Variants in RALGPS1 observed in about 807,000 individuals in gnomAD.
RALGPS1 encodes the protein ras-specific guanine nucleotide-releasing factor RalGPS1.
In RALGPS1, 19 loss-of-function variants were observed where a neutral mutation model predicts 78.8. The ratio of observed to expected loss-of-function variants is 0.24; its 90% CI spans 0.17 to 0.35. RALGPS1 has a LOEUF of 0.35. Ranked by LOEUF, RALGPS1 falls within the 10% of genes least tolerant of loss-of-function variation. RALGPS1 has a pLI of 1.00. For missense variants in RALGPS1, 454 were observed against 688.3 expected (o/e 0.66, Z 3.81); for synonymous variants, 228 against 256.3 (o/e 0.89, Z 1.06).
chr9:127,192,185 C>T (rs2061102078), intron 11 of RALGPS1, among the ~76,000 whole-genome samples: 1 of 152,180 alleles, frequency 6.6e-6, no homozygotes, highest in South Asian at 2.1e-4. Context: ...TGTGGGGGCC[C>T]AGACCAGTCA....
At chr9:126,930,805 C>G (rs2035721584) in intron 1 of RALGPS1, among the ~76,000 whole-genome samples, 1 of 152,168 alleles carries the variant, frequency 6.6e-6, no homozygotes, top group Non-Finnish European at 1.5e-5. Flanking sequence ...TTTCCAGATT[C>G]TTATTCATTT....
chr9:127,199,391 G>T (rs1444710960), intron 14 of RALGPS1, among the ~76,000 whole-genome samples: 2 of 152,210 alleles, frequency 1.3e-5, no homozygotes, highest in African/African-American at 4.8e-5. Flanking sequence ...CTAAGAAGTG[G>T]CCTGTTCTTG....
chr9:127,051,778 C>T (rs985883545), intron 6 of RALGPS1, among the ~76,000 whole-genome samples: 11 of 152,174 alleles, frequency 7.2e-5, no homozygotes, highest in African/African-American at 2.7e-4. Context: ...GTAGACAAAA[C>T]TTTGTCCCTG....
At chr9:127,013,738 G>C (rs926041560) in intron 4 of RALGPS1, among the ~76,000 whole-genome samples, 1 of 152,128 alleles carries the variant, frequency 6.6e-6, no homozygotes, top group Admixed American at 6.5e-5. Context: ...TCTAAGGGGG[G>C]CGTGCAGGTA....
intron 8 of RALGPS1, among the ~76,000 whole-genome samples, chr9:127,117,742 C>G (rs1307466055): frequency 6.6e-6 from 1 of 152,208 alleles, no homozygotes; most frequent in East Asian, 1.9e-4. Flanking sequence ...TCTACCTGGC[C>G]CTGAGTGGGT....
chr9:127,212,997 G>T lies in RALGPS1; in HGVS notation c.1500G>T (p.Leu500=). 1.9e-6 allele frequency: 3 copies of T among 1,614,214 alleles called. No individual in the cohort carries two copies. Among genetic ancestry groups the T allele is most frequent in the Non-Finnish European group, 2.5e-6 (3 of 1,180,048 alleles). ...CCATCGTGGGCTGGATGGTGCAGCT[G>T]CCCGATGACCCCGAGCACCCAGATA... ...KVSIVGWMVQ[L]PDDPEHPDIF... The change falls in exon 17 of 19, where the codon CTG becomes CTT. Residue 500 remains leucine (L), a synonymous_variant. Transcript: ENST00000259351. This position sits in a 1 kb window ranked among gnomAD's most constrained non-coding sequence, Gnocchi z 6.0.
intron 11 of RALGPS1, among the ~76,000 whole-genome samples, chr9:127,179,727 C>T (rs542392130): frequency 6.6e-6 from 1 of 152,332 alleles, no homozygotes; most frequent in Non-Finnish European, 1.5e-5. Context: ...AGGATGGGTA[C>T]ACTGAGGAGC....
At chr9:126,932,699 C>CAAAATGTTATAAAACATTTTTATAAAACA (rs1564270465) in intron 1 of RALGPS1, among the ~76,000 whole-genome samples, 10 of 151,554 alleles carry the variant, frequency 6.6e-5, no homozygotes, top group African/African-American at 1.9e-4. Context: ...CATTATAAAA[C>CAAAATGTTATAAAACATTTTTATAAAACA]AAAATGTTAT....
chr9:126,916,333 C>T (rs1433219595), intron 1 of RALGPS1, among the ~76,000 whole-genome samples: 1 of 152,150 alleles, frequency 6.6e-6, no homozygotes, highest in Non-Finnish European at 1.5e-5. Flanking sequence ...GCTGCTGCAA[C>T]GCAGGGAGCA....
intron 1 of RALGPS1, among the ~76,000 whole-genome samples, chr9:126,918,673 A>ATTT (rs74944435): frequency 2.3e-5 from 3 of 132,612 alleles, no homozygotes; most frequent in Non-Finnish European, 3.2e-5. Flanking sequence ...TCACACATGG[A>ATTT]TTTTTTTTTT....
rs200357764 is a variant in RALGPS1 at position 127,212,133 on chromosome 9, C to G, written c.1250C>G (p.Pro417Arg). 14 of 1,611,822 alleles carry G rather than the reference C, an allele frequency of 8.7e-6. No homozygotes were observed. In the East Asian group the frequency reaches 3.1e-4, roughly 36 times the overall value. ...TCTGACTGGTAGTCTCTCCTCAGCC[C>G]CACCGGCCCGTGCATCTGTTCTCTG... The part of the protein sequence containing the change: ...SEEMSSGLES[P>R]TGPCICSLGN... Residue 417 changes from proline to arginine, a missense_variant and splice_region_variant, in exon 15 of 19, where the codon CCC (proline) becomes CGC (arginine). Transcript: ENST00000259351. This position sits in a 1 kb window ranked among gnomAD's most constrained non-coding sequence, Gnocchi z 6.0.
intron 6 of RALGPS1, among the ~76,000 whole-genome samples, chr9:127,052,597 T>G (rs1293842532): frequency 6.6e-6 from 1 of 152,228 alleles, no homozygotes; most frequent in African/African-American, 2.4e-5. Context: ...ATGCACACTA[T>G]CAAACCTTAC....
At chr9:127,148,237 G>A (rs959246074) in intron 8 of RALGPS1, among the ~76,000 whole-genome samples, 68 of 152,226 alleles carry the variant, frequency 4.5e-4, no homozygotes, top group African/African-American at 1.4e-3. Flanking sequence ...CCCAGACTGC[G>A]GCTGGCCTCC....
rs1468308659 is a variant in RALGPS1, at chr9:127,183,540, C to T, written c.910+8758C>T. On this transcript the variant is annotated intron_variant, in intron 11 of 18. Transcript: ENST00000259351. The surrounding 1 kb of genome is among the most constrained non-coding windows in gnomAD (Gnocchi z 4.0). ...ACAACAGACCTGCCTGTGGCCACCGCTGTCTTCTGGCACAGCCGTTTGGCC... is the reference window on the plus strand; with the variant it reads ...ACAACAGACCTGCCTGTGGCCACCGTTGTCTTCTGGCACAGCCGTTTGGCC... Among the ~76,000 whole-genome samples the T allele has an allele frequency of 6.6e-6, 1 of 152,186 alleles. No homozygotes were observed. Among genetic ancestry groups the T allele is most frequent in the South Asian group, 2.1e-4 (1 of 4,826 alleles).
At chr9:127,103,590 G>A (rs1205706844) in intron 8 of RALGPS1, among the ~76,000 whole-genome samples, 1 of 152,214 alleles carries the variant, frequency 6.6e-6, no homozygotes, top group Non-Finnish European at 1.5e-5. Context: ...GGAGTCAGGT[G>A]CACGTTGTAC....
intron 5 of RALGPS1, among the ~76,000 whole-genome samples, chr9:127,047,751 A>G (rs182256160): frequency 2.0e-5 from 3 of 151,130 alleles, no homozygotes; most frequent in Admixed American, 1.3e-4. Flanking sequence ...CACAGTGTTT[A>G]TGATGTTGGT....
rs2062649890 is a variant in RALGPS1, at chr9:127,217,568, C to T, written c.1645-1172C>T. The T allele has an allele frequency of 6.7e-6, 3 of 450,152 alleles. No individual in the cohort carries two copies. In the South Asian group the frequency reaches 2.8e-4, roughly 43 times the overall value. The allele number at this position is 450,152 out of a possible 1,614,324, so 27.9% of individuals were successfully genotyped here. On this transcript the variant is annotated intron_variant, in intron 18 of 18. Coordinates refer to ENST00000259351, the MANE Select transcript of RALGPS1 (RefSeq NM_014636.3). Reference sequence around the variant, plus strand: ...ATAACATATGTATAGGTATAAACAACAGCAATAAAACACCTTATTGCCACC... The same window carrying T: ...ATAACATATGTATAGGTATAAACAATAGCAATAAAACACCTTATTGCCACC...
intron 6 of RALGPS1, among the ~76,000 whole-genome samples, chr9:127,050,638 G>GC (rs1313083861): frequency 6.6e-6 from 1 of 151,508 alleles, no homozygotes; most frequent in East Asian, 1.9e-4. Context: ...CCCACCTCCT[G>GC]CCCCCGGCCT....
chr9:127,050,601 G>A (rs1471240508), intron 6 of RALGPS1, among the ~76,000 whole-genome samples: 2 of 152,120 alleles, frequency 1.3e-5, no homozygotes, highest in Non-Finnish European at 2.9e-5. Context: ...TTCAGGTCTG[G>A]GCCAGATGAC....
Sources: gnomAD v4.1 joint callset for allele counts (sites outside exome capture counted in the v4.1 genomes callset) on GRCh38, gnomAD v4.1.1 for gene constraint, Gnocchi (gnomAD v3.1) non-coding constraint, MANE v1.5 for transcripts, NCBI Gene and HGNC (gene_info 2026-07-23, HGNC 2026-07-21) for gene names.